The following SLC14A2 variants were observed in gnomAD, a reference collection of about 807,000 sequenced individuals.
SLC14A2 encodes solute carrier family 14 member 2.
In SLC14A2, 91 loss-of-function variants were observed where a neutral mutation model predicts 104.6. The ratio of observed to expected loss-of-function variants is 0.87; its 90% CI spans 0.73 to 1.04. SLC14A2 has a LOEUF of 1.04. Among genes scored for constraint, SLC14A2 ranks in the 50% least tolerant of loss-of-function variants. The pLI, the probability that SLC14A2 is intolerant of heterozygous loss-of-function variation, is 0.00. For missense variants in SLC14A2, 1,189 were observed against 1,156.0 expected, an observed-to-expected ratio of 1.03 and a Z score of -0.41; for synonymous variants, 476 against 466.4, an observed-to-expected ratio of 1.02 and a Z score of -0.27.
chr18:45,388,975 T>C (rs2085931550), intron 1 of SLC14A2, among the ~76,000 whole-genome samples: 1 of 152,236 alleles, frequency 6.6e-6, no homozygotes, highest in Non-Finnish European at 1.5e-5. Flanking sequence ...AATATTCATA[T>C]ATAAATATGT....
chr18:45,176,596 G>T, the SLC14A2 span, among the ~76,000 whole-genome samples: 1 of 152,240 alleles, frequency 6.6e-6, no homozygotes, highest in East Asian at 1.9e-4. Context: ...AAATAGGAAA[G>T]AAAGGCTAAA....
Position 45,592,150 on chromosome 18 carries a change from C to T in SLC14A2, c.-34-32481C>T, listed in dbSNP as rs74732553. ...TGCTTACCAAGAGGAATTGGCCCAG[C>T]GATAGCAGTTTCCACCTTCTTGCTG... On this transcript the variant is annotated intron_variant, in intron 2 of 20. Transcript: ENST00000586448. Among the ~76,000 whole-genome samples the T allele has an allele frequency of 3.3e-5, 5 of 152,220 alleles. No homozygotes were observed. In the South Asian group the frequency reaches 6.2e-4, roughly 19 times the overall value.
chr18:45,408,283 G>A (rs943362017), intron 1 of SLC14A2, among the ~76,000 whole-genome samples: 2 of 152,110 alleles, frequency 1.3e-5, no homozygotes, highest in Admixed American at 6.6e-5. Flanking sequence ...GGAAAGAAAA[G>A]CATTCAAAAT....
chr18:45,671,883 C>T (rs1463766679), intron 16 of SLC14A2, among the ~76,000 whole-genome samples: 1 of 152,192 alleles, frequency 6.6e-6, no homozygotes, highest in African/African-American at 2.4e-5. Context: ...AAACACAGTC[C>T]CTGTGGCTGG....
chr18:45,542,035 G>GTTTGTTTTTTTT (rs2043891585), intron 2 of SLC14A2, among the ~76,000 whole-genome samples: 1 of 54,236 alleles, frequency 1.8e-5, no homozygotes, highest in African/African-American at 6.2e-5. Context: ...AAGAGAGAGG[G>GTTTGTTTTTTTT]TTTTTTTTTT....
At chr18:45,630,481 G>A (rs2045325680) in intron 4 of SLC14A2, among the ~76,000 whole-genome samples, 1 of 152,152 alleles carries the variant, frequency 6.6e-6, no homozygotes, top group Non-Finnish European at 1.5e-5. Context: ...CTGATGGAAT[G>A]TGGTCTTAAT....
At chr18:45,177,262 G>A in the SLC14A2 span, among the ~76,000 whole-genome samples, 1 of 151,902 alleles carries the variant, frequency 6.6e-6, no homozygotes, top group African/African-American at 2.4e-5. Context: ...GGTCAACTGT[G>A]TCCGTGGTTG....
chr18:45,502,487 C>G (rs934450069), intron 2 of SLC14A2, among the ~76,000 whole-genome samples: 2 of 152,174 alleles, frequency 1.3e-5, no homozygotes, highest in Admixed American at 6.5e-5. Flanking sequence ...CCCATAGGAA[C>G]AGTTCCATGT....
intron 18 of SLC14A2, among the ~76,000 whole-genome samples, chr18:45,674,082 G>A (rs1254538390): frequency 6.6e-6 from 1 of 152,104 alleles, no homozygotes; most frequent in Non-Finnish European, 1.5e-5. Context: ...ATATGGAATT[G>A]GGTGATTTAC....
chr18:45,451,605 ATAAT>A (rs2086859212), intron 1 of SLC14A2, among the ~76,000 whole-genome samples: 1 of 152,204 alleles, frequency 6.6e-6, no homozygotes, highest in African/African-American at 2.4e-5. Context: ...TAAATAAAAA[ATAAT>A]TAAATTGAGG....
At chr18:45,484,180 G>T (rs1431893729) in intron 2 of SLC14A2, among the ~76,000 whole-genome samples, 1 of 152,160 alleles carries the variant, frequency 6.6e-6, no homozygotes, top group Non-Finnish European at 1.5e-5. Flanking sequence ...TTGTATGTTA[G>T]GTCCTCTGTA....
chr18:45,537,657 T>A (rs1373030985), intron 2 of SLC14A2, among the ~76,000 whole-genome samples: 1 of 152,020 alleles, frequency 6.6e-6, no homozygotes, highest in East Asian at 1.9e-4. Flanking sequence ...TTCAGAGGAG[T>A]GTCATGATTT....
At chr18:45,666,910 T>C in intron 12 of SLC14A2, 25 bp from the exon 13 acceptor site, 1 of 1,608,482 alleles carries the variant, frequency 6.2e-7, no homozygotes, top group Middle Eastern at 1.7e-4. Context: ...TGTGGGAGAC[T>C]CTTGCCTATC....
At position 45,419,417 on chromosome 18, in the gene SLC14A2, T is replaced by C. The variant is rs190515069; in HGVS notation, c.-124-63816T>C. ...TCTTCCTTACTCTTGAATATCAAAC[T>C]ATTGAGAAAACTTGTTTTGTGTTGT... On this transcript the variant is annotated intron_variant, in intron 1 of 20. Coordinates refer to the SLC14A2 transcript ENST00000586448. 2.4e-4 allele frequency among the ~76,000 whole-genome samples: 36 copies of C among 152,316 alleles called. 1 individual carries two copies. The highest frequency in any genetic ancestry group is 2.1e-3 in the Admixed American group (32 of 15,302).
intron 1 of SLC14A2, among the ~76,000 whole-genome samples, chr18:45,373,589 C>A (rs949713456): frequency 1.3e-5 from 2 of 152,192 alleles, no homozygotes; most frequent in Non-Finnish European, 2.9e-5. Context: ...TAATAGGGGA[C>A]AACTGGGGGC....
At chr18:45,661,939 G>A (rs1567998990) in intron 10 of SLC14A2, among the ~76,000 whole-genome samples, 1 of 152,240 alleles carries the variant, frequency 6.6e-6, no homozygotes, top group Non-Finnish European at 1.5e-5. Context: ...ACAGGATGCT[G>A]AAACAGTAGC....
chr18:45,294,984 C>G lies in SLC14A2; in HGVS notation c.-125+81793C>G, dbSNP rs181973203. On this transcript the variant is annotated intron_variant, in intron 1 of 20. Coordinates refer to the SLC14A2 transcript ENST00000586448. ...TTCTCTAAAGTGAATCCTTAATGAA[C>G]CATGATACTTATTGTTTCATTCCTT... 5.3e-5 allele frequency among the ~76,000 whole-genome samples: 8 copies of G among 152,342 alleles called. No homozygotes were observed. In the East Asian group the frequency reaches 1.5e-3, roughly 29 times the overall value.
chr18:45,429,953 C>A (rs1415037984), intron 1 of SLC14A2, among the ~76,000 whole-genome samples: 1 of 152,188 alleles, frequency 6.6e-6, no homozygotes, highest in African/African-American at 2.4e-5. Context: ...ATGTTTAAGG[C>A]TTTATGGAAA....
At chr18:45,354,247 C>T (rs1261880292) in intron 1 of SLC14A2, among the ~76,000 whole-genome samples, 1 of 152,186 alleles carries the variant, frequency 6.6e-6, no homozygotes, top group Non-Finnish European at 1.5e-5. Flanking sequence ...AACTTGTTAG[C>T]ATTCTATTTA....
Sources: gnomAD v4.1 joint callset for allele counts (sites outside exome capture counted in the v4.1 genomes callset) on GRCh38, gnomAD v4.1.1 for gene constraint, MANE v1.5 for transcripts, NCBI Gene and HGNC (gene_info 2026-07-23, HGNC 2026-07-21) for gene names.